Variants in SLC4A4 observed in about 807,000 individuals in gnomAD.
SLC4A4 encodes the protein solute carrier family 4 member 4.
In SLC4A4, 27 loss-of-function variants were observed where a neutral mutation model predicts 111.5. That is an observed-to-expected ratio of 0.24 (90% confidence interval 0.18 to 0.33). The LOEUF (loss-of-function observed/expected upper bound fraction) is 0.33, where lower values mean the gene tolerates loss of function less well. Ranked by LOEUF, SLC4A4 falls within the 10% of genes least tolerant of loss-of-function variation. The probability of loss-of-function intolerance (pLI) is 1.00; values close to 1 mark genes in which losing one functional copy is unlikely to be tolerated. For missense variants in SLC4A4, 909 were observed against 1,315.5 expected, an observed-to-expected ratio of 0.69 and a Z score of 4.78; for synonymous variants, 443 against 463.4, an observed-to-expected ratio of 0.96 and a Z score of 0.57.
Position 71,466,648 on chromosome 4 carries a change from A to G in SLC4A4, c.1631+71A>G, listed in dbSNP as rs1172421933. The G allele has an allele frequency of 4.1e-6, 6 of 1,461,218 alleles. No homozygotes were observed. The African/African-American group carries it at 8.4e-5, about 20-fold the overall frequency. 90.5% of individuals were successfully genotyped at this position (1,461,218 alleles called of 1,614,324 possible). ...AGAACCTTTATAGGCTAGATAGAGC[A>G]TAGAATAGTGATTAGGCAGATCCAA... is the stretch of plus-strand genomic sequence containing the variant. On this transcript the variant is annotated intron_variant, in intron 13 of 25. Transcript: ENST00000264485.
At chr4:71,156,588 G>GCGCGCGCGCACA (rs376043069) in intron 2 of SLC4A4, among the ~76,000 whole-genome samples, 18 of 138,570 alleles carry the variant, frequency 1.3e-4, no homozygotes, top group East Asian at 6.4e-4. Context: ...GCGCGCGCGC[G>GCGCGCGCGCACA]CACACACACA....
intron 3 of SLC4A4, among the ~76,000 whole-genome samples, chr4:71,270,919 ATACT>A (rs1478526169): frequency 6.6e-6 from 1 of 152,186 alleles, no homozygotes; most frequent in African/African-American, 2.4e-5. Context: ...TTAGCTTGAG[ATACT>A]TACTGAATTT....
chr4:71,485,154 G>A (rs1458690379), intron 14 of SLC4A4, among the ~76,000 whole-genome samples: 1 of 151,668 alleles, frequency 6.6e-6, no homozygotes, highest in Non-Finnish European at 1.5e-5. Context: ...TGATTGCCCT[G>A]GCCATTACTT....
intron 17 of SLC4A4, among the ~76,000 whole-genome samples, chr4:71,532,769 G>C (rs569689541): frequency 6.6e-6 from 1 of 152,236 alleles, no homozygotes; most frequent in South Asian, 2.1e-4. Flanking sequence ...AAAGAATTAA[G>C]TAAAATGCCT....
chr4:71,508,390 A>G (rs1439230689), intron 16 of SLC4A4, among the ~76,000 whole-genome samples: 1 of 152,144 alleles, frequency 6.6e-6, no homozygotes, highest in African/African-American at 2.4e-5. Context: ...ACAAGCAGAA[A>G]TGATACAGGG....
chr4:71,442,409 G>C (rs535082365), intron 8 of SLC4A4, among the ~76,000 whole-genome samples: 1 of 152,242 alleles, frequency 6.6e-6, no homozygotes, highest in Non-Finnish European at 1.5e-5. Context: ...TAATCTGAAC[G>C]ATATATCCTT....
chr4:71,268,075 GTTTTTTTT>G (rs10657146), intron 3 of SLC4A4, among the ~76,000 whole-genome samples: 1 of 87,586 alleles, frequency 1.1e-5, no homozygotes, highest in Non-Finnish European at 2.0e-5. Flanking sequence ...ATAAAGTAGT[GTTTTTTTT>G]TTTTTTTTTT....
chr4:71,395,318 T>G (rs1296120378), intron 6 of SLC4A4, among the ~76,000 whole-genome samples: 1 of 152,182 alleles, frequency 6.6e-6, no homozygotes, highest in Non-Finnish European at 1.5e-5. Context: ...AAGTGTTGAC[T>G]AGCAGACTCT....
intron 12 of SLC4A4, among the ~76,000 whole-genome samples, chr4:71,459,587 G>GA (rs1560527302): frequency 6.6e-6 from 1 of 151,946 alleles, no homozygotes; most frequent in Non-Finnish European, 1.5e-5. Flanking sequence ...CTATAACAGA[G>GA]CCCCTCTTAG....
intron 4 of SLC4A4, among the ~76,000 whole-genome samples, chr4:71,341,957 G>C (rs1328380696): frequency 6.6e-6 from 1 of 152,032 alleles, no homozygotes; most frequent in Admixed American, 6.6e-5. Context: ...GTAGTATTAG[G>C]GAAAGAGACC....
At chr4:71,198,275 C>A (rs58351894) in intron 1 of SLC4A4, among the ~76,000 whole-genome samples, 18,105 of 152,144 alleles carry the variant, frequency 0.12, 1,761 homozygotes, top group African/African-American at 0.25. Flanking sequence ...CATAATATTT[C>A]CAGTGAAATC....
intron 6 of SLC4A4, among the ~76,000 whole-genome samples, chr4:71,383,417 A>G (rs1341464136): frequency 6.6e-6 from 1 of 152,202 alleles, no homozygotes; most frequent in Non-Finnish European, 1.5e-5. Context: ...TATGATGAAT[A>G]ACAACTACAT....
intron 6 of SLC4A4, among the ~76,000 whole-genome samples, chr4:71,393,343 A>C (rs1397404270): frequency 6.6e-6 from 1 of 152,184 alleles, no homozygotes; most frequent in East Asian, 1.9e-4. Context: ...TAATGTACAC[A>C]AATCAGTAGC....
At chr4:71,189,838 G>A (rs965612223) in intron 1 of SLC4A4, among the ~76,000 whole-genome samples, 1 of 152,156 alleles carries the variant, frequency 6.6e-6, no homozygotes, top group Non-Finnish European at 1.5e-5. Context: ...TGAAATCTAA[G>A]ACCAGAGTTG....
At chr4:71,300,417 T>C in intron 3 of SLC4A4, 1 of 233,132 alleles carries the variant, frequency 4.3e-6, no homozygotes, top group South Asian at 7.7e-5. Context: ...GCTGCTGCTG[T>C]GCTTCATGAC....
intron 2 of SLC4A4, among the ~76,000 whole-genome samples, chr4:71,169,278 A>C (rs949704968): frequency 6.6e-6 from 1 of 151,698 alleles, no homozygotes; most frequent in Non-Finnish European, 1.5e-5. Context: ...GGCCTCTCAA[A>C]GTGTTGGGAT....
At chr4:71,345,963 T>C (rs1729292393) in intron 4 of SLC4A4, among the ~76,000 whole-genome samples, 1 of 152,156 alleles carries the variant, frequency 6.6e-6, no homozygotes, top group African/African-American at 2.4e-5. Flanking sequence ...GATAAGGCAC[T>C]TGTTAGTTAG....
rs575668464 is a variant in SLC4A4 at position 71,216,915 on chromosome 4, G to A, written c.-1-19661G>A. ...TATCTACCACGCAGGGTGCTTTTGT[G>A]TCTGTTATCCCATAGCTTCTCCACA... On this transcript the variant is annotated intron_variant, in intron 1 of 25. Transcript: ENST00000264485. Among the ~76,000 whole-genome samples, 19 of 152,252 alleles carry A rather than the reference G, an allele frequency of 1.2e-4. No individual in the cohort carries two copies. The East Asian group carries it at 3.7e-3, about 29-fold the overall frequency.
At chr4:71,219,079 C>T (rs1331232873) in intron 1 of SLC4A4, among the ~76,000 whole-genome samples, 2 of 152,088 alleles carry the variant, frequency 1.3e-5, no homozygotes, top group Non-Finnish European at 2.9e-5. Flanking sequence ...ACAAGAGCCT[C>T]TAAGTGTTCA....
Sources: allele counts gnomAD v4.1 joint callset (sites outside exome capture counted in the v4.1 genomes callset), GRCh38; gene constraint gnomAD v4.1.1; transcripts MANE v1.5; gene names NCBI Gene and HGNC (gene_info 2026-07-23, HGNC 2026-07-21).